Variants in PRMT9 observed in about 807,000 individuals in gnomAD.
PRMT9 encodes the protein protein arginine methyltransferase 9, also known as protein arginine N-methyltransferase 9.
PRMT9 carries 59 observed loss-of-function variants against 83.2 expected under a neutral mutation model. The observed-to-expected ratio is 0.71, with a 90% confidence interval of 0.57 to 0.88. PRMT9 has a LOEUF of 0.88. Among genes scored for constraint, PRMT9 ranks in the 40% least tolerant of loss-of-function variants. The pLI, the probability that PRMT9 is intolerant of heterozygous loss-of-function variation, is 0.00. For synonymous variants in PRMT9, 333 were observed against 353.2 expected, an observed-to-expected ratio of 0.94 and a Z score of 0.64; for missense variants, 947 against 1,021.9, an observed-to-expected ratio of 0.93 and a Z score of 1.00.
chr4:147,668,314 A>G (rs959669751), intron 6 of PRMT9, among the ~76,000 whole-genome samples: 2 of 151,976 alleles, frequency 1.3e-5, no homozygotes, highest in Non-Finnish European at 2.9e-5. Flanking sequence ...AGTTTTTCCT[A>G]CACTCACCCA....
chr4:147,668,757 G>T, intron 5 of PRMT9, 112 bp from the exon 6 acceptor site: 1 of 726,134 alleles, frequency 1.4e-6, no homozygotes, highest in Admixed American at 2.5e-5. Context: ...AATAAGTAAG[G>T]ATAAAGTAAG....
At chr4:147,666,510 A>G (rs1329036040) in intron 6 of PRMT9, among the ~76,000 whole-genome samples, 1 of 152,210 alleles carries the variant, frequency 6.6e-6, no homozygotes, top group Non-Finnish European at 1.5e-5. Flanking sequence ...ATCATATACT[A>G]AATCCATATA....
At chr4:147,651,462 GA>G (rs1734091233) in intron 9 of PRMT9, among the ~76,000 whole-genome samples, 1 of 152,118 alleles carries the variant, frequency 6.6e-6, no homozygotes, top group Non-Finnish European at 1.5e-5. Flanking sequence ...TATGAAGTGG[GA>G]AAAAAATATT....
At chr4:147,638,929 C>G (rs900396841) in intron 11 of PRMT9, 31 bp downstream of exon 11, 49 of 1,595,954 alleles carry the variant, frequency 3.1e-5, no homozygotes, top group Non-Finnish European at 4.0e-5. Flanking sequence ...TAAACAATAA[C>G]AAACGAAATC....
chr4:147,672,596 T>C (rs1349892813), intron 4 of PRMT9, among the ~76,000 whole-genome samples: 3 of 152,242 alleles, frequency 2.0e-5, no homozygotes, highest in African/African-American at 7.2e-5. Flanking sequence ...ATGTGATAAG[T>C]CCATTGAATC....
At chr4:147,656,992 TAAAAAAAATTTC>T (rs1237018339) in intron 8 of PRMT9, among the ~76,000 whole-genome samples, 1 of 150,554 alleles carries the variant, frequency 6.6e-6, no homozygotes, top group Non-Finnish European at 1.5e-5. Context: ...CGAATCACTG[TAAAAAAAATTTC>T]CATACAAAAA....
chr4:147,670,379 A>G (rs901770308), intron 5 of PRMT9, among the ~76,000 whole-genome samples: 1 of 152,014 alleles, frequency 6.6e-6, no homozygotes, highest in African/African-American at 2.4e-5. Flanking sequence ...GGGTTTCTCC[A>G]TGTTGGTAAG....
chr4:147,664,091 AT>A (rs1735157461), intron 6 of PRMT9, among the ~76,000 whole-genome samples: 1 of 152,186 alleles, frequency 6.6e-6, no homozygotes, highest in Non-Finnish European at 1.5e-5. Flanking sequence ...AGGCAGAAGG[AT>A]CCCTTGAGTC....
intron 7 of PRMT9, among the ~76,000 whole-genome samples, chr4:147,660,288 C>G (rs955414888): frequency 2.0e-5 from 3 of 152,122 alleles, no homozygotes; most frequent in African/African-American, 7.2e-5. Flanking sequence ...GTGAAAGCAC[C>G]TGGCACCCTA....
chr4:147,649,431 C>T (rs74711860), intron 9 of PRMT9, among the ~76,000 whole-genome samples: 4 of 152,134 alleles, frequency 2.6e-5, no homozygotes, highest in Admixed American at 6.5e-5. Flanking sequence ...AAACAAAAAA[C>T]GAAAGAGCTT....
Position 147,666,869 on chromosome 4 carries a change from C to T in PRMT9, c.953+1670G>A, listed in dbSNP as rs185586047. Among the ~76,000 whole-genome samples, 358 of 148,144 alleles carry T rather than the reference C, an allele frequency of 2.4e-3. 3 individuals are homozygous for T. Among genetic ancestry groups the T allele is most frequent in the African/African-American group, 8.4e-3 (338 of 40,118 alleles). On this transcript the variant is annotated intron_variant, in intron 6 of 11. Transcript: ENST00000322396. ...AAGATATTGGCCTCATTCATCCAGA[C>T]CTACACCTATTCAATCAAACTGTAA...
At chr4:147,653,016 GTGTGAT>G (rs1429665712) in intron 9 of PRMT9, among the ~76,000 whole-genome samples, 2 of 152,164 alleles carry the variant, frequency 1.3e-5, no homozygotes, top group African/African-American at 4.8e-5. Flanking sequence ...ATACCTGTAT[GTGTGAT>G]TGTGCACACA....
chr4:147,670,789 T>C, intron 4 of PRMT9, 46 bp from the exon 5 acceptor site: 1 of 1,237,270 alleles, frequency 8.1e-7, no homozygotes, highest in Non-Finnish European at 1.2e-6. Context: ...AATATCATGC[T>C]ATTATATAAA....
At chr4:147,647,733 G>A (rs1733823882) in intron 9 of PRMT9, among the ~76,000 whole-genome samples, 1 of 151,962 alleles carries the variant, frequency 6.6e-6, no homozygotes, top group South Asian at 2.1e-4. Context: ...ATGTTGGCCA[G>A]GCTAGTCTCA....
In PRMT9 at chr4:147,670,052, G is replaced by A. The variant is rs149324451; in HGVS notation, c.846+589C>T. On this transcript the variant is annotated intron_variant, in intron 5 of 11. Coordinates refer to ENST00000322396, the MANE Select transcript of PRMT9 (RefSeq NM_138364.4). ...TACTCAAGAATTCCATAGTCAGTCC[G>A]TCCATAAAGTAATCTCAATTCCTAT... Among the ~76,000 whole-genome samples, 208 of 152,220 alleles carry A rather than the reference G, an allele frequency of 1.4e-3. 1 individual carries two copies. Among genetic ancestry groups the A allele is most frequent in the African/African-American group, 4.6e-3 (191 of 41,530 alleles).
chr4:147,676,131 A>G (rs1736053397), intron 2 of PRMT9, among the ~76,000 whole-genome samples: 1 of 152,184 alleles, frequency 6.6e-6, no homozygotes, highest in South Asian at 2.1e-4. Flanking sequence ...CATCTCCCCA[A>G]AGCAAACTAA....
At chr4:147,657,171 G>A (rs1734564625) in intron 8 of PRMT9, among the ~76,000 whole-genome samples, 1 of 152,062 alleles carries the variant, frequency 6.6e-6, no homozygotes, top group African/African-American at 2.4e-5. Context: ...TGCACTAAAA[G>A]CAATACTTTT....
chr4:147,683,430 C>G (rs976773363), intron 1 of PRMT9, among the ~76,000 whole-genome samples: 11 of 152,176 alleles, frequency 7.2e-5, no homozygotes, highest in African/African-American at 2.4e-4. Flanking sequence ...ATGACTGAAG[C>G]TCGAACCAGG....
rs114103099 is a variant in PRMT9 at position 147,675,735 on chromosome 4, G to A, written c.339-1861C>T. 5.5e-3 allele frequency among the ~76,000 whole-genome samples: 841 copies of A among 152,198 alleles called. 4 individuals carry two copies. Among genetic ancestry groups the A allele is most frequent in the Middle Eastern group, 0.01 (3 of 294 alleles). On this transcript the variant is annotated intron_variant, in intron 2 of 11. Transcript: ENST00000322396. ...ATATGTATCACTGATATGATACAACGTATCAGTGAAACATAAGAATGCCAG... is the reference window on the plus strand; with the variant it reads ...ATATGTATCACTGATATGATACAACATATCAGTGAAACATAAGAATGCCAG...
Sources: allele counts gnomAD v4.1 joint callset (sites outside exome capture counted in the v4.1 genomes callset), GRCh38; gene constraint gnomAD v4.1.1; transcripts MANE v1.5; gene names NCBI Gene and HGNC (gene_info 2026-07-23, HGNC 2026-07-21).